The following DIP2A variants were observed in gnomAD, a reference collection of about 807,000 sequenced individuals.
The protein encoded by DIP2A is DIP2 acetate--CoA ligase A.
In DIP2A, 85 loss-of-function variants were observed where a neutral mutation model predicts 177.4. That is an observed-to-expected ratio of 0.48 (90% CI 0.40 to 0.57). The LOEUF is 0.57. DIP2A is among the 20% of genes least tolerant of loss of function. DIP2A has a pLI of 0.00. For synonymous variants in DIP2A, 886 were observed against 881.8 expected, an observed-to-expected ratio of 1.00 and a Z score of -0.08; for missense variants, 1,791 against 2,100.2, an observed-to-expected ratio of 0.85 and a Z score of 2.88.
intron 33 of DIP2A, 171 bp from the exon 34 acceptor site, chr21:46,561,577 C>T (rs374720753): frequency 2.5e-5 from 21 of 855,230 alleles, no homozygotes; most frequent in African/African-American, 2.2e-4. Flanking sequence ...GGGACCGCAG[C>T]GTGGTTGGGG....
At chr21:46,536,793 A>G (rs1389263554) in intron 13 of DIP2A, among the ~76,000 whole-genome samples, 1 of 151,918 alleles carries the variant, frequency 6.6e-6, no homozygotes, top group Middle Eastern at 3.4e-3. Context: ...AGTCCCAGCT[A>G]CTCGGGAGGC....
chr21:46,523,675 G>A (rs1432959254), intron 8 of DIP2A, among the ~76,000 whole-genome samples: 1 of 151,410 alleles, frequency 6.6e-6, no homozygotes, highest in Non-Finnish European at 1.5e-5. Flanking sequence ...TGGGCACTTG[G>A]ACTATTCCCA....
chr21:46,499,429 C>T (rs1410538343), intron 5 of DIP2A, among the ~76,000 whole-genome samples: 1 of 152,150 alleles, frequency 6.6e-6, no homozygotes, highest in Non-Finnish European at 1.5e-5. Flanking sequence ...TTGTCTGTGC[C>T]TTTCCTCTTG....
At chr21:46,477,825 C>T (rs1601403018) in intron 1 of DIP2A, among the ~76,000 whole-genome samples, 2 of 151,742 alleles carry the variant, frequency 1.3e-5, no homozygotes, top group African/African-American at 4.9e-5. Flanking sequence ...CTCAGGTGAT[C>T]CACCTGCCTT....
chr21:46,517,125 G>A (rs2058621922), intron 8 of DIP2A, among the ~76,000 whole-genome samples: 1 of 130,598 alleles, frequency 7.7e-6, no homozygotes, highest in Non-Finnish European at 1.6e-5. Flanking sequence ...GTGCAGTGGT[G>A]ATCACAACTC....
chr21:46,492,928 T>C, intron 3 of DIP2A, among the ~76,000 whole-genome samples: 1 of 94,544 alleles, frequency 1.1e-5, no homozygotes. Flanking sequence ...TGAGACTCTG[T>C]CTCAAAAAAA....
At chr21:46,494,030 A>T (rs2057168748) in intron 3 of DIP2A, among the ~76,000 whole-genome samples, 1 of 152,168 alleles carries the variant, frequency 6.6e-6, no homozygotes, top group African/African-American at 2.4e-5. Context: ...TGTCATTTTG[A>T]TGTCGTAATA....
Position 46,537,739 on chromosome 21 carries a change from G to A in DIP2A, c.1801+200G>A, listed in dbSNP as rs187984163. Among the ~76,000 whole-genome samples the A allele has an allele frequency of 4.6e-5, 7 of 152,316 alleles. No individual in the cohort carries two copies. Among genetic ancestry groups the A allele is most frequent in the Admixed American group, 1.3e-4 (2 of 15,300 alleles). On this transcript the variant is annotated intron_variant, in intron 15 of 37. Coordinates refer to ENST00000417564, the MANE Select transcript of DIP2A (RefSeq NM_015151.4). The surrounding 1 kb of genome is among the most constrained non-coding windows in gnomAD (Gnocchi z 4.1). ...CCTCTGGCATGGCCCTCAGGGTTTC[G>A]TGGGTGATGTGGTAAGTAGGGCCAC...
At chr21:46,493,736 C>T (rs2057152667) in intron 3 of DIP2A, among the ~76,000 whole-genome samples, 1 of 152,174 alleles carries the variant, frequency 6.6e-6, no homozygotes, top group Non-Finnish European at 1.5e-5. Flanking sequence ...GAATTCTTCA[C>T]CTTTCCTGAG....
In DIP2A at chr21:46,569,998, T is replaced by C. The variant is rs1390514932; in HGVS notation, c.*2376T>C. The C allele has an allele frequency of 6.6e-6, 1 of 152,242 alleles. No homozygotes were observed. Among genetic ancestry groups the C allele is most frequent in the Admixed American group, 6.5e-5 (1 of 15,280 alleles). 9.4% of individuals were successfully genotyped at this position (152,242 alleles called of 1,614,324 possible). On this transcript the variant is annotated 3_prime_UTR_variant, in exon 38 of 38. Transcript: ENST00000417564. Reference sequence around the variant, plus strand: ...TAATTTGCTTTTGTACTTAATAAATTATAGACTTTAAAATCTATTACATAT... The same window carrying C: ...TAATTTGCTTTTGTACTTAATAAATCATAGACTTTAAAATCTATTACATAT...
At chr21:46,471,020 A>G (rs1048368673) in intron 1 of DIP2A, among the ~76,000 whole-genome samples, 5 of 151,958 alleles carry the variant, frequency 3.3e-5, no homozygotes, top group African/African-American at 1.2e-4. Context: ...GGTTAAGTTA[A>G]TGGGAAAACT....
At position 46,529,016 on chromosome 21, in the gene DIP2A, T is replaced by C. The variant is rs1443407206; in HGVS notation, c.1103-76T>C. Reference sequence around the variant, plus strand: ...TGGGGTAATGGTATATTTCGGGGTATTTTGGTTTCTACATTAAAATGTTAA... The same window carrying C: ...TGGGGTAATGGTATATTTCGGGGTACTTTGGTTTCTACATTAAAATGTTAA... On this transcript the variant is annotated intron_variant, in intron 8 of 37. Transcript: ENST00000417564. 5.7e-6 allele frequency: 5 copies of C among 880,720 alleles called. No individual in the cohort carries two copies. In the Admixed American group the frequency reaches 1.6e-4, roughly 28 times the overall value. 54.6% of individuals were successfully genotyped at this position (880,720 alleles called of 1,614,324 possible). A position where few individuals can be genotyped will look rare whatever the true frequency, so the allele number is the denominator to read the frequency against.
At chr21:46,519,293 C>G (rs961637658) in intron 8 of DIP2A, among the ~76,000 whole-genome samples, 6 of 152,142 alleles carry the variant, frequency 3.9e-5, no homozygotes, top group African/African-American at 4.8e-5. Context: ...GTATCTTGTG[C>G]CGACCTCCTA....
chr21:46,574,597 A>G (rs1269382818), downstream of DIP2A, among the ~76,000 whole-genome samples: 1 of 152,138 alleles, frequency 6.6e-6, no homozygotes, highest in Non-Finnish European at 1.5e-5. Context: ...AAGAAGACAG[A>G]TTACTAAAAT....
Position 46,511,575 on chromosome 21 carries a change from T to G in DIP2A, c.1063T>G (p.Leu355Val). Residue 355 changes from leucine (L) to valine (V), a missense_variant, in exon 8 of 38, where the codon TTG (leucine) becomes GTG (valine). Physicochemically the swap from Leu to Val is conservative, Grantham distance 32. Coordinates refer to ENST00000417564, the MANE Select transcript of DIP2A (RefSeq NM_015151.4). ...GCCCAAATCCCCCTGTCTGACTGCC[T>G]TGGATACAACTGGGAAAGCCGTCTA... ...TQPKSPCLTA[L>V]DTTGKAVYTL... The G allele has an allele frequency of 6.3e-7, 1 of 1,577,674 alleles. No individual in the cohort carries two copies. The highest frequency in any genetic ancestry group is 8.6e-7 in the Non-Finnish European group (1 of 1,163,928).
rs995108200 is a variant in DIP2A, at chr21:46,556,381, T to C, written c.3498+290T>C. ...AATCTCTTACCTTGCTGGGAGTCAA[T>C]AGCTCAATTAAAATTTTTCAGGCGG... On this transcript the variant is annotated intron_variant, in intron 29 of 37. Transcript: ENST00000417564. The surrounding 1 kb of genome is among the most constrained non-coding windows in gnomAD (Gnocchi z 4.5). 4.3e-6 allele frequency: 6 copies of C among 1,381,138 alleles called. No individual in the cohort carries two copies. Among genetic ancestry groups the C allele is most frequent in the Non-Finnish European group, 5.8e-6 (6 of 1,039,324 alleles). The allele number at this position is 1,381,138 out of a possible 1,614,324, so 85.6% of individuals were successfully genotyped here.
intron 1 of DIP2A, among the ~76,000 whole-genome samples, chr21:46,461,124 T>C (rs557376471): frequency 9.9e-5 from 15 of 151,502 alleles, no homozygotes; most frequent in African/African-American, 3.6e-4. Context: ...ATAGCAAGAC[T>C]CTGTCTCTAC....
At chr21:46,547,203 A>G (rs2060088211) in intron 21 of DIP2A, 161 bp downstream of exon 21, 9 of 1,419,840 alleles carry the variant, frequency 6.3e-6, no homozygotes, top group Non-Finnish European at 8.3e-6. Flanking sequence ...TATTTGCAGC[A>G]ATGATACCAG....
At chr21:46,581,694 C>T in the DIP2A span, among the ~76,000 whole-genome samples, 7 of 152,086 alleles carry the variant, frequency 4.6e-5, no homozygotes, top group African/African-American at 1.4e-4. Flanking sequence ...GGCCCCTCTT[C>T]TGTAGGGTTG....
Sources: allele counts gnomAD v4.1 joint callset (sites outside exome capture counted in the v4.1 genomes callset), GRCh38; gene constraint gnomAD v4.1.1; non-coding constraint Gnocchi (gnomAD v3.1); transcripts MANE v1.5; gene names NCBI Gene and HGNC (gene_info 2026-07-23, HGNC 2026-07-21).